FLRT2: variants seen among roughly 807,000 people sequenced by gnomAD.
FLRT2 encodes the protein leucine-rich repeat transmembrane protein FLRT2.
A neutral mutation model predicts 40.0 loss-of-function variants in FLRT2; 15 were observed. The observed-to-expected ratio is 0.38, with a 90% CI of 0.25 to 0.58. The LOEUF is 0.58. Among genes scored for constraint, FLRT2 ranks in the 20% least tolerant of loss-of-function variants. The pLI, the probability that FLRT2 is intolerant of heterozygous loss-of-function variation, is 0.71. For missense variants in FLRT2, 726 were observed against 840.0 expected (o/e 0.86, Z 1.68); for synonymous variants, 380 against 336.8 (o/e 1.13, Z -1.41).
intron 1 of FLRT2, among the ~76,000 whole-genome samples, chr14:85,611,225 G>T (rs950045028): frequency 1.3e-5 from 2 of 150,460 alleles, no homozygotes; most frequent in Non-Finnish European, 3.0e-5. Context: ...GACTTTATCT[G>T]TCTTGCTCAC....
intron 1 of FLRT2, among the ~76,000 whole-genome samples, chr14:85,573,146 T>C (rs1046209599): frequency 1.3e-5 from 2 of 152,046 alleles, no homozygotes; most frequent in East Asian, 1.9e-4. Flanking sequence ...AAAGTTCCTA[T>C]CAATGTAAAT....
rs1166256449 is a variant in FLRT2, at chr14:85,635,279, T to C, written c.*11782T>C. On this transcript the variant is annotated 3_prime_UTR_variant, in exon 2 of 2. Coordinates refer to ENST00000330753, the MANE Select transcript of FLRT2 (RefSeq NM_013231.6). ...TACTTTTAAGGATTTGATGAGATAATTTATATCATCTTCACTTCAGTGGTT... is the reference window on the plus strand; with the variant it reads ...TACTTTTAAGGATTTGATGAGATAACTTATATCATCTTCACTTCAGTGGTT... The C allele has an allele frequency of 6.6e-6, 1 of 152,148 alleles. No homozygotes were observed. Among genetic ancestry groups the C allele is most frequent in the African/African-American group, 2.4e-5 (1 of 41,444 alleles). The allele number at this position is 152,148 out of a possible 1,614,324, so 9.4% of individuals were successfully genotyped here.
At chr14:85,608,802 C>G (rs1892739227) in intron 1 of FLRT2, among the ~76,000 whole-genome samples, 1 of 152,184 alleles carries the variant, frequency 6.6e-6, no homozygotes, top group African/African-American at 2.4e-5. Context: ...CTGCCCTCAA[C>G]AGGCCCACGC....
In FLRT2 at chr14:85,628,254, A is replaced by G. The variant is rs924565624; in HGVS notation, c.*4757A>G. ...CAGATAATGTCATTGTATTTATCCTATCAGAATAGGCTTTTCCCCTATTTC... is the reference window on the plus strand; with the variant it reads ...CAGATAATGTCATTGTATTTATCCTGTCAGAATAGGCTTTTCCCCTATTTC... On this transcript the variant is annotated 3_prime_UTR_variant, in exon 2 of 2. Coordinates refer to ENST00000330753, the MANE Select transcript of FLRT2 (RefSeq NM_013231.6). 3.3e-5 allele frequency: 5 copies of G among 152,190 alleles called. No homozygotes were observed. The highest frequency in any genetic ancestry group is 7.3e-5 in the Non-Finnish European group (5 of 68,040). The allele number at this position is 152,190 out of a possible 1,614,324, so 9.4% of individuals were successfully genotyped here.
intron 1 of FLRT2, among the ~76,000 whole-genome samples, chr14:85,610,314 A>G (rs997364135): frequency 6.6e-6 from 1 of 152,138 alleles, no homozygotes; most frequent in African/African-American, 2.4e-5. Context: ...TTCAGAGCAT[A>G]CTTTTCTTCT....
chr14:85,623,574 C>A lies in FLRT2; in HGVS notation c.*77C>A. 1.7e-6 allele frequency: 2 copies of A among 1,157,974 alleles called. No individual in the cohort carries two copies. Among genetic ancestry groups the A allele is most frequent in the Non-Finnish European group, 2.3e-6 (2 of 868,822 alleles). 71.7% of individuals were successfully genotyped at this position (1,157,974 alleles called of 1,614,324 possible). ...ACTCGTGTGTGCACATAAAGACACG[C>A]AGATTACATTTGATAAATGTTACAC... On this transcript the variant is annotated 3_prime_UTR_variant, in exon 2 of 2. Transcript: ENST00000330753.
intron 1 of FLRT2, among the ~76,000 whole-genome samples, chr14:85,548,939 GAGA>G (rs1889442677): frequency 6.6e-6 from 1 of 152,194 alleles, no homozygotes; most frequent in African/African-American, 2.4e-5. Context: ...AAAGACAGAA[GAGA>G]AGAAGTAGCT....
At chr14:85,617,666 T>C (rs1487385143) in intron 1 of FLRT2, among the ~76,000 whole-genome samples, 1 of 152,206 alleles carries the variant, frequency 6.6e-6, no homozygotes, top group Non-Finnish European at 1.5e-5. Context: ...GTTGTAATTT[T>C]ACCAATATGT....
At chr14:85,575,809 T>C (rs2139867760) in intron 1 of FLRT2, among the ~76,000 whole-genome samples, 1 of 152,318 alleles carries the variant, frequency 6.6e-6, no homozygotes, top group Non-Finnish European at 1.5e-5. Context: ...TACAGCTAAA[T>C]GCCTTCACGT....
chr14:85,580,952 C>G (rs902770088), intron 1 of FLRT2, among the ~76,000 whole-genome samples: 1 of 152,046 alleles, frequency 6.6e-6, no homozygotes, highest in Non-Finnish European at 1.5e-5. Flanking sequence ...CTGGCTAATC[C>G]GAAGAGATTA....
chr14:85,625,638 A>C lies in FLRT2; in HGVS notation c.*2141A>C, dbSNP rs929453101. 1 of 167,084 alleles carries C rather than the reference A, an allele frequency of 6.0e-6. No individual in the cohort carries two copies. Among genetic ancestry groups the C allele is most frequent in the African/African-American group, 2.4e-5 (1 of 41,464 alleles). The allele number at this position is 167,084 out of a possible 1,614,324, so 10.4% of individuals were successfully genotyped here. A position where few individuals can be genotyped will look rare whatever the true frequency, so the allele number is the denominator to read the frequency against. The stretch of plus-strand genomic sequence containing the variant: ...GCTTTTTTTAAAGTTAGGTCCACAC[A>C]GTGAAGGGAAAAGAGTCTGTGAAGG... On this transcript the variant is annotated 3_prime_UTR_variant, in exon 2 of 2. Coordinates refer to ENST00000330753, the MANE Select transcript of FLRT2 (RefSeq NM_013231.6).
Position 85,621,711 on chromosome 14 carries a change from CT to C in FLRT2, c.198del (p.Val67TyrfsTer39), listed in dbSNP as rs1893392500. Reference protein sequence around the residue: ...SVPLGIPEGVTVLYLHNNQIN... With the variant: ...SVPLGIPEGVXVLYLHNNQIN... ...CCTCTTGGGATCCCGGAGGGCGTAACTGTACTCTACCTCCACAACAACCAAA... is the reference window on the plus strand; with the variant it reads ...CCTCTTGGGATCCCGGAGGGCGTAACGTACTCTACCTCCACAACAACCAAA... On this transcript the variant is annotated frameshift_variant, in exon 2 of 2. Coordinates refer to ENST00000330753, the MANE Select transcript of FLRT2 (RefSeq NM_013231.6). LOFTEE classifies it high-confidence loss of function. The C allele has an allele frequency of 6.2e-7, 1 of 1,614,006 alleles. No individual in the cohort carries two copies. Among genetic ancestry groups the C allele is most frequent in the Non-Finnish European group, 8.5e-7 (1 of 1,180,036 alleles).
Position 85,639,091 on chromosome 14 carries a change from A to G in FLRT2, c.*15594A>G, listed in dbSNP as rs1156552444. ...ATAAAAACTAAACTGAAACCAAAAG[A>G]ATTTCCAGAGCAGGCAGTCTCTATT... is the stretch of plus-strand genomic sequence containing the variant. On this transcript the variant is annotated 3_prime_UTR_variant, in exon 2 of 2. Coordinates refer to ENST00000330753, the MANE Select transcript of FLRT2 (RefSeq NM_013231.6). 1 of 152,150 alleles carries G rather than the reference A, an allele frequency of 6.6e-6. No homozygotes were observed. Among genetic ancestry groups the G allele is most frequent in the Non-Finnish European group, 1.5e-5 (1 of 68,038 alleles). 9.4% of individuals were successfully genotyped at this position (152,150 alleles called of 1,614,324 possible). A position where few individuals can be genotyped will look rare whatever the true frequency, so the allele number is the denominator to read the frequency against.
intron 1 of FLRT2, among the ~76,000 whole-genome samples, chr14:85,573,671 A>G (rs564137997): frequency 1.3e-5 from 2 of 152,202 alleles, no homozygotes; most frequent in South Asian, 4.1e-4. Context: ...TTCTGACATC[A>G]GGTGTCAGGG....
In FLRT2 at chr14:85,628,893, A is replaced by T. The variant is rs1041027339; in HGVS notation, c.*5396A>T. 1 of 152,202 alleles carries T rather than the reference A, an allele frequency of 6.6e-6. No homozygotes were observed. The highest frequency in any genetic ancestry group is 6.5e-5 in the Admixed American group (1 of 15,284). The allele number at this position is 152,202 out of a possible 1,614,324, so 9.4% of individuals were successfully genotyped here. A position where few individuals can be genotyped will look rare whatever the true frequency, so the allele number is the denominator to read the frequency against. On this transcript the variant is annotated 3_prime_UTR_variant, in exon 2 of 2. Transcript: ENST00000330753. The stretch of plus-strand genomic sequence containing the variant: ...TACCATTCATTCAAAATAATTCATT[A>T]ATGTCCTCCTACTCTGTTCCAAACA...
intron 1 of FLRT2, among the ~76,000 whole-genome samples, chr14:85,620,383 G>T (rs556984359): frequency 1.3e-5 from 2 of 152,044 alleles, no homozygotes; most frequent in Admixed American, 6.5e-5. Flanking sequence ...TAAGCAAATC[G>T]ATCAGTTATC....
At chr14:85,618,889 AG>A (rs1411359179) in intron 1 of FLRT2, among the ~76,000 whole-genome samples, 1 of 152,082 alleles carries the variant, frequency 6.6e-6, no homozygotes, top group African/African-American at 2.4e-5. Flanking sequence ...CCAAGATGTT[AG>A]GGAACATTAA....
intron 1 of FLRT2, among the ~76,000 whole-genome samples, chr14:85,585,510 G>T (rs1313789564): frequency 6.6e-6 from 1 of 152,050 alleles, no homozygotes; most frequent in Non-Finnish European, 1.5e-5. Context: ...GTATATTGTT[G>T]ATAATTTGGA....
At chr14:85,609,770 C>CT (rs1381755384) in intron 1 of FLRT2, among the ~76,000 whole-genome samples, 2 of 152,238 alleles carry the variant, frequency 1.3e-5, no homozygotes, top group Non-Finnish European at 2.9e-5. Flanking sequence ...ACAGGGTCAC[C>CT]TCTCGTGAGT....
Sources: allele counts gnomAD v4.1 joint callset (sites outside exome capture counted in the v4.1 genomes callset), GRCh38; gene constraint gnomAD v4.1.1; transcripts MANE v1.5; gene names NCBI Gene and HGNC (gene_info 2026-07-23, HGNC 2026-07-21).